HELZ: variants seen among roughly 807,000 people sequenced by gnomAD.
HELZ encodes ATP-dependent RNA helicase with zinc finger domain.
HELZ carries 23 observed loss-of-function variants against 218.2 expected under a neutral mutation model. The observed-to-expected ratio is 0.11, with a 90% confidence interval of 0.08 to 0.15. HELZ has a LOEUF of 0.15. HELZ is among the 10% of genes least tolerant of loss of function. The pLI, the probability that HELZ is intolerant of heterozygous loss-of-function variation, is 1.00. For synonymous variants in HELZ, 814 were observed against 829.4 expected (o/e 0.98, Z 0.32); for missense variants, 1,813 against 2,353.7 (o/e 0.77, Z 4.75).
chr17:67,240,909 T>C (rs189345464), intron 2 of HELZ, among the ~76,000 whole-genome samples: 4 of 152,362 alleles, frequency 2.6e-5, no homozygotes, highest in Admixed American at 2.0e-4. Flanking sequence ...AGTTATTACA[T>C]GTATATATAA....
At chr17:67,116,262 G>A in intron 27 of HELZ, among the ~76,000 whole-genome samples, 1 of 149,740 alleles carries the variant, frequency 6.7e-6, no homozygotes, top group South Asian at 2.1e-4. Flanking sequence ...AAAGGAGAAG[G>A]CGGAAAAATC....
In HELZ at chr17:67,123,994, G is replaced by T; in HGVS notation, c.3408C>A (p.Thr1136=). The change falls in exon 25 of 33, where the codon ACC becomes ACA. Residue 1136 remains threonine (T), a synonymous_variant. Coordinates refer to ENST00000358691, the MANE Select transcript of HELZ (RefSeq NM_014877.4). ...CATCATTCTGGAAGTGATCATTCTG[G>T]GTATGATGAAGACTTTTCCCCTTTA... ...SPPKGKSLHH[T]QNDHFQNDGI... is the part of the protein sequence containing the mutation. 1.9e-6 allele frequency: 3 copies of T among 1,603,566 alleles called. No individual in the cohort carries two copies. Among genetic ancestry groups the T allele is most frequent in the Non-Finnish European group, 2.6e-6 (3 of 1,172,356 alleles).
Position 67,188,668 on chromosome 17 carries a change from T to C in HELZ, c.865-52A>G, listed in dbSNP as rs768807516. On this transcript the variant is annotated intron_variant, in intron 11 of 32. Transcript: ENST00000358691. The surrounding 1 kb of genome is among the most constrained non-coding windows in gnomAD (Gnocchi z 4.1). ...GAGTACAAGGGGGTGAAAAATCCAA[T>C]TGTAATTGGGCTCTTCAATGAAAAT... is the stretch of plus-strand genomic sequence containing the variant. 26 of 1,426,350 alleles carry C rather than the reference T, an allele frequency of 1.8e-5. No homozygotes were observed. In the African/African-American group the frequency reaches 2.4e-4, roughly 13 times the overall value. The allele number at this position is 1,426,350 out of a possible 1,614,324, so 88.4% of individuals were successfully genotyped here.
chr17:67,118,935 T>C (rs1013942060), intron 27 of HELZ, among the ~76,000 whole-genome samples: 2 of 151,958 alleles, frequency 1.3e-5, no homozygotes, highest in Admixed American at 6.6e-5. Flanking sequence ...CATGCAAACA[T>C]GTAAATTAAT....
At chr17:67,237,631 G>C (rs9897946) in intron 3 of HELZ, among the ~76,000 whole-genome samples, 14,061 of 152,130 alleles carry the variant, frequency 0.092, 1,731 homozygotes, top group African/African-American at 0.28. Flanking sequence ...TAAAAAAATA[G>C]CTGGAGATAT....
chr17:67,173,705 T>C (rs991273090), intron 13 of HELZ, among the ~76,000 whole-genome samples: 2 of 152,050 alleles, frequency 1.3e-5, no homozygotes, highest in Non-Finnish European at 2.9e-5. Flanking sequence ...CATCTAATGA[T>C]GAAATGTGCA....
Position 67,122,981 on chromosome 17 carries a change from C to A in HELZ, c.3619G>T (p.Val1207Leu), listed in dbSNP as rs777202232. ...GAATGTCCACTTACAGGTAAAGGCA[C>A]CGACATAACTACATTCCCTCCATAG... ...AVYGGNVVMS[V>L]PLPVPWTGYQ... The change falls in exon 26 of 33, where the codon GTG becomes TTG. Residue 1207 changes from valine (V) to leucine (L), a missense_variant. Physicochemically the swap from Val to Leu is conservative, Grantham distance 32. Transcript: ENST00000358691. 2 of 1,608,474 alleles carry A rather than the reference C, an allele frequency of 1.2e-6. No individual in the cohort carries two copies. The highest frequency in any genetic ancestry group is 2.7e-5 in the African/African-American group (2 of 74,884).
chr17:67,181,752 C>A (rs1272123973), intron 12 of HELZ, among the ~76,000 whole-genome samples: 1 of 151,936 alleles, frequency 6.6e-6, no homozygotes, highest in Non-Finnish European at 1.5e-5. Context: ...AGCCTACAAA[C>A]TACTGATCTA....
intron 2 of HELZ, chr17:67,239,903 A>T (rs1365361274): frequency 6.6e-6 from 1 of 152,222 alleles, no homozygotes; most frequent in African/African-American, 2.4e-5. Flanking sequence ...GTAAAATGGA[A>T]ATAACTATCT....
rs770939515 is a variant in HELZ, at chr17:67,218,578, T to C, written c.210+17A>G. 3 of 1,571,326 alleles carry C rather than the reference T, an allele frequency of 1.9e-6. No homozygotes were observed. Among genetic ancestry groups the C allele is most frequent in the African/African-American group, 1.4e-5 (1 of 74,034 alleles). ...TTTACATAGTTCAGCATTGGCTTAT[T>C]GACAGTGTTTACTCACCAGTTGCAA... On this transcript the variant is annotated intron_variant, in intron 4 of 32. Transcript: ENST00000358691.
intron 13 of HELZ, among the ~76,000 whole-genome samples, chr17:67,170,566 C>T (rs1001803455): frequency 6.6e-6 from 1 of 152,004 alleles, no homozygotes; most frequent in Non-Finnish European, 1.5e-5. Flanking sequence ...GGGGCTCACA[C>T]CTGTAATCCC....
Position 67,071,061 on chromosome 17 carries a change from G to C in HELZ, c.*7191C>G, listed in dbSNP as rs1004228736. The C allele has an allele frequency of 1.3e-5, 2 of 152,308 alleles. No individual in the cohort carries two copies. Among genetic ancestry groups the C allele is most frequent in the East Asian group, 3.9e-4 (2 of 5,192 alleles). 9.4% of individuals were successfully genotyped at this position (152,308 alleles called of 1,614,324 possible). A position where few individuals can be genotyped will look rare whatever the true frequency, so the allele number is the denominator to read the frequency against. ...CTCATTATCTTTATAATTTAGAAGAGAAGTATTTTAATCACCATATTTACC... is the reference window on the plus strand; with the variant it reads ...CTCATTATCTTTATAATTTAGAAGACAAGTATTTTAATCACCATATTTACC... On this transcript the variant is annotated 3_prime_UTR_variant, in exon 33 of 33. Coordinates refer to ENST00000358691, the MANE Select transcript of HELZ (RefSeq NM_014877.4).
At chr17:67,165,829 T>C (rs2039126842) in intron 15 of HELZ, among the ~76,000 whole-genome samples, 1 of 152,208 alleles carries the variant, frequency 6.6e-6, no homozygotes, top group Non-Finnish European at 1.5e-5. Context: ...TAAAAATCTC[T>C]CCTATCTTTA....
chr17:67,166,577 G>C lies in HELZ; in HGVS notation c.1796C>G (p.Pro599Arg), dbSNP rs1299161554. ...TAGTGCATAGTGCATTTCACAGAGG[G>C]GTAATCGATTTAATTGAAACTGAAG... ...VELQFQLNRL[P>R]LCEMHYALDR... Residue 599 changes from proline (P) to arginine (R), a missense_variant, in exon 15 of 33, where the codon CCC becomes CGC. Pro to Arg is a moderately radical substitution (Grantham distance 103, BLOSUM62 -2). Around this residue, in one of 4 missense-constraint regions of HELZ, gnomAD observed 714 missense variants for 1,029.2 expected, o/e 0.69. Coordinates refer to ENST00000358691, the MANE Select transcript of HELZ (RefSeq NM_014877.4). The C allele has an allele frequency of 6.2e-7, 1 of 1,613,032 alleles. No individual in the cohort carries two copies. Among genetic ancestry groups the C allele is most frequent in the African/African-American group, 1.3e-5 (1 of 74,872 alleles).
At chr17:67,216,288 C>T (rs763794705) in intron 4 of HELZ, among the ~76,000 whole-genome samples, 2 of 152,316 alleles carry the variant, frequency 1.3e-5, no homozygotes, top group South Asian at 2.1e-4. Flanking sequence ...CCAGCATACA[C>T]TCTGTCTTCC....
At chr17:67,181,380 C>G (rs1396875256) in intron 12 of HELZ, among the ~76,000 whole-genome samples, 1 of 152,138 alleles carries the variant, frequency 6.6e-6, no homozygotes, top group Admixed American at 6.5e-5. Context: ...CTTTTCTACT[C>G]TGGGTTAACA....
intron 23 of HELZ, 55 bp from the exon 24 acceptor site, chr17:67,128,910 A>G (rs1245519933): frequency 7.9e-7 from 1 of 1,271,282 alleles, no homozygotes; most frequent in Non-Finnish European, 1.1e-6. Flanking sequence ...GATCACAGAA[A>G]TGAATATAAA....
intron 31 of HELZ, among the ~76,000 whole-genome samples, chr17:67,088,159 T>C (rs937848447): frequency 6.6e-6 from 1 of 152,242 alleles, no homozygotes; most frequent in African/African-American, 2.4e-5. Flanking sequence ...TAATGTAATA[T>C]ATAAAGATAA....
chr17:67,240,273 AC>A (rs2084434112), intron 2 of HELZ, among the ~76,000 whole-genome samples: 1 of 152,174 alleles, frequency 6.6e-6, no homozygotes, highest in Non-Finnish European at 1.5e-5. Flanking sequence ...TTCTCACTCT[AC>A]TTCCACACTG....
Sources: allele counts gnomAD v4.1 joint callset (sites outside exome capture counted in the v4.1 genomes callset), GRCh38; gene constraint gnomAD v4.1.1; regional missense constraint gnomAD v4.1.1; non-coding constraint Gnocchi (gnomAD v3.1); transcripts MANE v1.5; gene names NCBI Gene and HGNC (gene_info 2026-07-23, HGNC 2026-07-21).